Variants in S100A8 observed in about 807,000 individuals in gnomAD.
S100A8 encodes protein S100-A8.
In S100A8, 1 loss-of-function variant was observed where a neutral mutation model predicts 4.2. The ratio of observed to expected loss-of-function variants is 0.24; its 90% CI spans 0.08 to 1.12. The LOEUF (loss-of-function observed/expected upper bound fraction) is 1.12, where lower values mean the gene tolerates loss of function less well. Among genes scored for constraint, S100A8 ranks in the 50% most tolerant of loss-of-function variants. The probability of loss-of-function intolerance (pLI) is 0.53; values close to 1 mark genes in which losing one functional copy is unlikely to be tolerated. For synonymous variants in S100A8, 41 were observed against 44.7 expected, an observed-to-expected ratio of 0.92 and a Z score of 0.33; for missense variants, 96 against 111.8, an observed-to-expected ratio of 0.86 and a Z score of 0.64.
chr1:153,390,147 C>A lies in S100A8; in HGVS notation c.238G>T (p.Val80Leu). The change falls in exon 3 of 3, where the codon GTG becomes TTG. Residue 80 changes from valine to leucine, a missense_variant. Transcript: ENST00000368733. ...EFLILVIKMGVAAHKKSHEES... is the reference protein window; with the variant it reads ...EFLILVIKMGLAAHKKSHEES... ...TCATGGCTTTTTTTGTGGGCTGCCA[C>A]GCCCATCTTTATCACCAGAATGAGG... is the stretch of plus-strand genomic sequence containing the variant. 6.2e-7 allele frequency: 1 copy of A among 1,614,012 alleles called. No homozygotes were observed. The highest frequency in any genetic ancestry group is 8.5e-7 in the Non-Finnish European group (1 of 1,179,914).
the S100A8 span, among the ~76,000 whole-genome samples, chr1:153,417,653 C>G: frequency 6.6e-6 from 1 of 152,242 alleles, no homozygotes; most frequent in African/African-American, 2.4e-5. Context: ...GGCCATTGTC[C>G]TGCCCCCGTG....
upstream of S100A8, among the ~76,000 whole-genome samples, chr1:153,392,390 T>A (rs1377951924): frequency 6.6e-6 from 1 of 152,214 alleles, no homozygotes; most frequent in Non-Finnish European, 1.5e-5. Flanking sequence ...TTAGTGGGAA[T>A]GTAAAATAGT....
chr1:153,416,056 G>A, the S100A8 span, among the ~76,000 whole-genome samples: 1 of 152,212 alleles, frequency 6.6e-6, no homozygotes, highest in African/African-American at 2.4e-5. Flanking sequence ...GGAGGGTTGA[G>A]GAGGATGCAA....
the S100A8 span, among the ~76,000 whole-genome samples, chr1:153,400,896 AT>A: frequency 6.6e-6 from 1 of 152,246 alleles, no homozygotes; most frequent in Non-Finnish European, 1.5e-5. Context: ...TAATTAACAA[AT>A]TTGGTATACC....
the S100A8 span, chr1:153,419,205 A>G: frequency 6.2e-7 from 1 of 1,614,184 alleles, no homozygotes; most frequent in African/African-American, 1.3e-5. Flanking sequence ...GAATGAGGAT[A>G]AGAAGATTGA....
upstream of S100A8, among the ~76,000 whole-genome samples, chr1:153,394,064 G>T (rs1247114118): frequency 2.0e-5 from 3 of 152,190 alleles, no homozygotes; most frequent in African/African-American, 7.2e-5. Context: ...CAGGACTTGG[G>T]TAAGCACATC....
At chr1:153,417,537 G>T in the S100A8 span, among the ~76,000 whole-genome samples, 2 of 152,180 alleles carry the variant, frequency 1.3e-5, no homozygotes, top group African/African-American at 4.8e-5. Flanking sequence ...TGTGCACCTG[G>T]AGCCTGCACG....
the S100A8 span, chr1:153,416,601 C>T: frequency 2.2e-6 from 1 of 451,912 alleles, no homozygotes. Context: ...TCTAGAAGTG[C>T]CCAGTGCCCA....
Position 153,390,497 on chromosome 1 carries a change from G to C in S100A8, c.39C>G (p.Ile13Met), listed in dbSNP as rs772703261. 6.2e-7 allele frequency: 1 copy of C among 1,614,204 alleles called. No individual in the cohort carries two copies. The highest frequency in any genetic ancestry group is 8.5e-7 in the Non-Finnish European group (1 of 1,180,042). Residue 13 changes from isoleucine (I) to methionine (M), a missense_variant, in exon 2 of 3, where the codon ATC becomes ATG. Ile to Met is a conservative substitution (Grantham distance 10). Coordinates refer to ENST00000368733, the MANE Select transcript of S100A8 (RefSeq NM_002964.5). The part of the protein sequence containing the change: ...TELEKALNSI[I>M]DVYHKYSLIK... ...TCAGGGAGTACTTGTGGTAGACGTCGATGATAGAGTTCAAGGCTTTCTCCA... is the reference window on the plus strand; with the variant it reads ...TCAGGGAGTACTTGTGGTAGACGTCCATGATAGAGTTCAAGGCTTTCTCCA...
At chr1:153,405,812 C>T in the S100A8 span, among the ~76,000 whole-genome samples, 1 of 152,082 alleles carries the variant, frequency 6.6e-6, no homozygotes, top group African/African-American at 2.4e-5. Flanking sequence ...CCTTCAAAAC[C>T]TAACAGTGGG....
the S100A8 span, among the ~76,000 whole-genome samples, chr1:153,415,952 TTGTTG>T: frequency 6.6e-6 from 1 of 152,248 alleles, no homozygotes; most frequent in Non-Finnish European, 1.5e-5. Flanking sequence ...GTGTGATGAT[TTGTTG>T]TGTTTACTAG....
the S100A8 span, chr1:153,417,345 G>A: frequency 1.3e-5 from 2 of 152,378 alleles, no homozygotes; most frequent in African/African-American, 2.4e-5. Context: ...TTTCCCAAGA[G>A]CAGACATGAA....
intron 1 of S100A8, 52 bp from the exon 2 acceptor site, chr1:153,390,609 C>T (rs144278070): frequency 2.5e-6 from 4 of 1,598,104 alleles, no homozygotes; most frequent in African/African-American, 1.3e-5. Context: ...TTGCATCTGG[C>T]CAGGGCAGTA....
At chr1:153,411,159 G>A in the S100A8 span, among the ~76,000 whole-genome samples, 878 of 152,266 alleles carry the variant, frequency 5.8e-3, 7 homozygotes, top group African/African-American at 0.02. Context: ...GAAATAAAGG[G>A]TATTCAATTA....
upstream of S100A8, among the ~76,000 whole-genome samples, chr1:153,391,498 TGTCA>T (rs949795791): frequency 6.6e-6 from 1 of 152,198 alleles, no homozygotes; most frequent in Non-Finnish European, 1.5e-5. Context: ...CCATGGCTTC[TGTCA>T]GAGTTTCAAA....
chr1:153,402,143 C>T, the S100A8 span, among the ~76,000 whole-genome samples: 586 of 152,262 alleles, frequency 3.8e-3, 2 homozygotes, highest in African/African-American at 0.013. Flanking sequence ...TCTGTAGGAC[C>T]AGGAGGCTGC....
the S100A8 span, among the ~76,000 whole-genome samples, chr1:153,412,839 A>G: frequency 1.3e-5 from 2 of 152,210 alleles, no homozygotes; most frequent in African/African-American, 4.8e-5. Flanking sequence ...TTGTAGGGAC[A>G]CGGATGAAGC....
At chr1:153,409,871 G>A in the S100A8 span, among the ~76,000 whole-genome samples, 1 of 152,172 alleles carries the variant, frequency 6.6e-6, no homozygotes, top group Non-Finnish European at 1.5e-5. Context: ...ACCTCCTCCT[G>A]AATGACTACT....
the S100A8 span, among the ~76,000 whole-genome samples, chr1:153,414,368 T>G: frequency 1.3e-5 from 2 of 152,248 alleles, no homozygotes; most frequent in African/African-American, 4.8e-5. Flanking sequence ...TATCAGACTT[T>G]GTATGTTATC....
Sources: allele counts gnomAD v4.1 joint callset (sites outside exome capture counted in the v4.1 genomes callset), GRCh38; gene constraint gnomAD v4.1.1; transcripts MANE v1.5; gene names NCBI Gene and HGNC (gene_info 2026-07-23, HGNC 2026-07-21).